The following SOX5 variants were observed in gnomAD, a reference collection of about 807,000 sequenced individuals.
The protein encoded by SOX5 is transcription factor SOX-5.
In SOX5, 9 loss-of-function variants were observed where a neutral mutation model predicts 92.0. The ratio of observed to expected loss-of-function variants is 0.10; its 90% CI spans 0.06 to 0.17. The LOEUF (loss-of-function observed/expected upper bound fraction) is 0.17. SOX5 is among the 10% of genes least tolerant of loss of function. The pLI is 1.00. For synonymous variants in SOX5, 344 were observed against 336.3 expected, an observed-to-expected ratio of 1.02 and a Z score of -0.25; for missense variants, 642 against 944.5, an observed-to-expected ratio of 0.68 and a Z score of 4.20.
intron 3 of SOX5, among the ~76,000 whole-genome samples, chr12:23,808,110 T>G (rs913970414): frequency 9.3e-6 from 1 of 107,584 alleles, no homozygotes; most frequent in African/African-American, 3.4e-5. Flanking sequence ...CCCTTCAGAA[T>G]TCTGATATAT....
intron 1 of SOX5, among the ~76,000 whole-genome samples, chr12:24,518,257 C>G (rs1407645720): frequency 6.6e-6 from 1 of 151,798 alleles, no homozygotes; most frequent in Non-Finnish European, 1.5e-5. Context: ...TTAGTAGAAA[C>G]GGGGTTTCAC....
At chr12:23,940,140 T>G (rs753410088) in intron 1 of SOX5, among the ~76,000 whole-genome samples, 9 of 151,286 alleles carry the variant, frequency 5.9e-5, no homozygotes, top group Non-Finnish European at 8.9e-5. Flanking sequence ...AGTGTCTTGT[T>G]CATTTAACCA....
intron 1 of SOX5, among the ~76,000 whole-genome samples, chr12:24,373,910 G>T (rs1295881750): frequency 2.0e-5 from 3 of 152,150 alleles, no homozygotes; most frequent in African/African-American, 7.2e-5. Context: ...GAACAGAGGG[G>T]CCACTAATCG....
intron 9 of SOX5, among the ~76,000 whole-genome samples, chr12:23,585,947 A>G (rs1034776881): frequency 1.3e-5 from 2 of 152,064 alleles, no homozygotes; most frequent in Non-Finnish European, 2.9e-5. Flanking sequence ...CACACCTGAC[A>G]CCTGGTCAAT....
chr12:23,583,819 T>A (rs1048777718), intron 9 of SOX5, among the ~76,000 whole-genome samples: 5 of 152,118 alleles, frequency 3.3e-5, no homozygotes, highest in African/African-American at 1.2e-4. Flanking sequence ...ACCTGATAAG[T>A]CCTTAAATTT....
At chr12:23,998,480 T>G (rs899395371) in intron 4 of SOX5, among the ~76,000 whole-genome samples, 3 of 151,556 alleles carry the variant, frequency 2.0e-5, no homozygotes, top group South Asian at 2.1e-4. Context: ...ATATGAATAA[T>G]GGGAGTCTCA....
At chr12:23,624,213 G>T (rs958132219) in intron 8 of SOX5, among the ~76,000 whole-genome samples, 8 of 152,132 alleles carry the variant, frequency 5.3e-5, no homozygotes, top group African/African-American at 1.9e-4. Flanking sequence ...GTTGAAAAAT[G>T]GGTATGTAGT....
chr12:24,218,718 A>T (rs963457980), intron 3 of SOX5, among the ~76,000 whole-genome samples: 14 of 152,148 alleles, frequency 9.2e-5, no homozygotes, highest in African/African-American at 2.9e-4. Flanking sequence ...ATCTTTTTTT[A>T]AAAAAGTATA....
chr12:23,596,754 C>G (rs1952531953), intron 9 of SOX5, among the ~76,000 whole-genome samples: 1 of 152,148 alleles, frequency 6.6e-6, no homozygotes, highest in Non-Finnish European at 1.5e-5. Flanking sequence ...CAGTCTCTGA[C>G]ACAATAATGA....
intron 1 of SOX5, among the ~76,000 whole-genome samples, chr12:24,382,652 A>T (rs555860504): frequency 2.4e-4 from 36 of 152,228 alleles, no homozygotes; most frequent in Non-Finnish European, 4.4e-4. Context: ...AGTAGAGGAG[A>T]AGTCCAGTTA....
At chr12:23,562,287 G>T (rs1346042420) in intron 11 of SOX5, among the ~76,000 whole-genome samples, 1 of 151,984 alleles carries the variant, frequency 6.6e-6, no homozygotes, top group Non-Finnish European at 1.5e-5. Context: ...GGAAAGAGCA[G>T]TTGTGGCAGG....
intron 8 of SOX5, among the ~76,000 whole-genome samples, chr12:23,633,041 A>C (rs1348105567): frequency 6.6e-6 from 1 of 152,174 alleles, no homozygotes; most frequent in Non-Finnish European, 1.5e-5. Context: ...AAGATCATCC[A>C]AAAAGAATTT....
At chr12:24,561,722 C>A (rs1009752583) in intron 1 of SOX5, among the ~76,000 whole-genome samples, 1 of 84,070 alleles carries the variant, frequency 1.2e-5, no homozygotes, top group Non-Finnish European at 2.0e-5. Context: ...AAATTCCGGG[C>A]GGGAGGGAGG....
intron 6 of SOX5, among the ~76,000 whole-genome samples, chr12:23,728,441 G>A (rs1227596667): frequency 1.3e-5 from 2 of 152,104 alleles, no homozygotes; most frequent in African/African-American, 4.8e-5. Flanking sequence ...TCTTGTTGAG[G>A]GGGGTAAAAT....
At chr12:23,919,455 C>T (rs983226115) in intron 1 of SOX5, among the ~76,000 whole-genome samples, 2 of 152,188 alleles carry the variant, frequency 1.3e-5, no homozygotes, top group African/African-American at 2.4e-5. Flanking sequence ...TATTTGTTGT[C>T]ACTTCAGCCA....
Position 24,422,620 on chromosome 12 carries a change from C to CA in SOX5, c.-250-53982dup, listed in dbSNP as rs1273734603. 7.2e-5 allele frequency among the ~76,000 whole-genome samples: 11 copies of CA among 152,236 alleles called. No homozygotes were observed. In the East Asian group the frequency reaches 1.9e-3, roughly 27 times the overall value. On this transcript the variant is annotated intron_variant, in intron 1 of 4. Transcript: ENST00000446891. ...GATGTGTGGGAATTCTGCATGTTTC[C>CA]AAAAATCCTTTCCACAGAGATCTAA...
At chr12:24,203,763 T>G (rs2139580697) in intron 4 of SOX5, among the ~76,000 whole-genome samples, 1 of 152,334 alleles carries the variant, frequency 6.6e-6, no homozygotes, top group South Asian at 2.1e-4. Flanking sequence ...TTTTTGTTCA[T>G]TTTTAAAAAA....
chr12:23,542,987 T>C (rs935329739), intron 13 of SOX5, among the ~76,000 whole-genome samples: 4 of 152,130 alleles, frequency 2.6e-5, no homozygotes, highest in Non-Finnish European at 5.9e-5. Flanking sequence ...TTAAAATAAT[T>C]AGTATGAAGA....
At chr12:24,181,808 T>C (rs530942277) in intron 4 of SOX5, among the ~76,000 whole-genome samples, 57 of 152,282 alleles carry the variant, frequency 3.7e-4, no homozygotes, top group Non-Finnish European at 7.2e-4. Context: ...TAAGGATAGC[T>C]GAAATTTCAG....
Sources: allele counts gnomAD v4.1 joint callset (sites outside exome capture counted in the v4.1 genomes callset), GRCh38; gene constraint gnomAD v4.1.1; transcripts MANE v1.5; gene names NCBI Gene and HGNC (gene_info 2026-07-23, HGNC 2026-07-21).